PLBD1: variants seen among roughly 807,000 people sequenced by gnomAD.
The protein encoded by PLBD1 is lysosomal leucine aminopeptidase.
PLBD1 carries 60 observed loss-of-function variants against 63.0 expected under a neutral mutation model. That is an observed-to-expected ratio of 0.95 (90% CI 0.77 to 1.18). PLBD1 has a LOEUF of 1.18. PLBD1 is among the 50% of genes most tolerant of loss of function. PLBD1 has a pLI of 0.00. For synonymous variants in PLBD1, 262 were observed against 248.0 expected, an observed-to-expected ratio of 1.06 and a Z score of -0.53; for missense variants, 598 against 677.9, an observed-to-expected ratio of 0.88 and a Z score of 1.31.
intron 8 of PLBD1, 22 bp from the exon 9 acceptor site, chr12:14,507,140 G>T (rs756368729): frequency 5.9e-5 from 91 of 1,540,054 alleles, no homozygotes; most frequent in Middle Eastern, 5.1e-4. Flanking sequence ...TGGAAGGGAA[G>T]TAAGGGAGGG....
chr12:14,540,978 G>A (rs1945566944), intron 3 of PLBD1, 76 bp from the exon 4 acceptor site: 6 of 1,375,976 alleles, frequency 4.4e-6, no homozygotes, highest in Non-Finnish European at 5.9e-6. Flanking sequence ...GGCATTGAGA[G>A]ATTATATACT....
chr12:14,542,302 A>G lies in PLBD1; in HGVS notation c.336-11T>C. The G allele has an allele frequency of 1.3e-6, 2 of 1,570,674 alleles. No individual in the cohort carries two copies. The highest frequency in any genetic ancestry group is 2.2e-5 in the South Asian group (2 of 89,616). On this transcript the variant is annotated splice_polypyrimidine_tract_variant and intron_variant, in intron 2 of 10. Coordinates refer to ENST00000240617, the MANE Select transcript of PLBD1 (RefSeq NM_024829.6). Reference sequence around the variant, plus strand: ...TGGTCATTCATGTGTCTGAAATGATACATGAAAATTATTACATTTATATTT... The same window carrying G: ...TGGTCATTCATGTGTCTGAAATGATGCATGAAAATTATTACATTTATATTT...
intron 8 of PLBD1, among the ~76,000 whole-genome samples, chr12:14,507,569 C>T (rs1376485178): frequency 6.6e-6 from 1 of 152,130 alleles, no homozygotes; most frequent in East Asian, 1.9e-4. Context: ...GAACATAGCA[C>T]TGGGAATAGA....
At chr12:14,512,235 G>A (rs1945303966) in intron 6 of PLBD1, among the ~76,000 whole-genome samples, 1 of 150,702 alleles carries the variant, frequency 6.6e-6, no homozygotes, top group Non-Finnish European at 1.5e-5. Context: ...CTGCAACCTT[G>A]CCTCCTGGGT....
At chr12:14,557,108 A>T (rs1237606686) in intron 1 of PLBD1, among the ~76,000 whole-genome samples, 3 of 152,164 alleles carry the variant, frequency 2.0e-5, no homozygotes, top group Admixed American at 2.0e-4. Flanking sequence ...TGCAAATCAA[A>T]ACCACAATGA....
Position 14,540,759 on chromosome 12 carries a change from C to T in PLBD1, c.558+5G>A, listed in dbSNP as rs371323736. On this transcript the variant is annotated splice_donor_5th_base_variant and intron_variant, in intron 4 of 10. Coordinates refer to ENST00000240617, the MANE Select transcript of PLBD1 (RefSeq NM_024829.6). ...AAATTCTGAGAAGCTTGTTTAAAGT[C>T]CTACCTTTGTCCCTTCTAATATAGC... is the stretch of plus-strand genomic sequence containing the variant. 1.7e-5 allele frequency: 26 copies of T among 1,567,668 alleles called. No homozygotes were observed. Among genetic ancestry groups the T allele is most frequent in the Non-Finnish European group, 2.3e-5 (26 of 1,151,154 alleles).
chr12:14,525,476 GA>G (rs1945409482), intron 6 of PLBD1, among the ~76,000 whole-genome samples: 2 of 152,032 alleles, frequency 1.3e-5, no homozygotes, highest in Middle Eastern at 3.4e-3. Flanking sequence ...AAAGAGGATG[GA>G]AAAAATATGT....
intron 6 of PLBD1, among the ~76,000 whole-genome samples, chr12:14,518,268 T>C (rs1183022270): frequency 6.6e-6 from 1 of 152,192 alleles, no homozygotes; most frequent in East Asian, 1.9e-4. Flanking sequence ...TAAACACATA[T>C]TCAGGTTTTT....
At chr12:14,510,649 A>G (rs903941653) in intron 8 of PLBD1, among the ~76,000 whole-genome samples, 2 of 152,186 alleles carry the variant, frequency 1.3e-5, no homozygotes, top group Non-Finnish European at 2.9e-5. Context: ...GAGATTCACT[A>G]ATTTGCCTGA....
At chr12:14,510,166 C>T (rs535970458) in intron 8 of PLBD1, among the ~76,000 whole-genome samples, 9 of 152,148 alleles carry the variant, frequency 5.9e-5, no homozygotes, top group Admixed American at 3.3e-4. Flanking sequence ...GGAAGGCCGA[C>T]GCAGACAGAT....
At chr12:14,518,439 T>C (rs1945351889) in intron 6 of PLBD1, among the ~76,000 whole-genome samples, 1 of 152,198 alleles carries the variant, frequency 6.6e-6, no homozygotes, top group African/African-American at 2.4e-5. Flanking sequence ...GCTGAACACA[T>C]AGGTTTTGCA....
intron 10 of PLBD1, among the ~76,000 whole-genome samples, chr12:14,505,920 T>C (rs934859910): frequency 5.3e-5 from 8 of 152,258 alleles, no homozygotes; most frequent in Non-Finnish European, 1.2e-4. Context: ...AGTACTGTTA[T>C]ATCCATTTTA....
chr12:14,522,803 A>G (rs1945387133), intron 6 of PLBD1, among the ~76,000 whole-genome samples: 1 of 152,162 alleles, frequency 6.6e-6, no homozygotes. Flanking sequence ...GATATTTAAT[A>G]AAATTCAACA....
intron 1 of PLBD1, among the ~76,000 whole-genome samples, chr12:14,564,109 G>A (rs1335100248): frequency 6.6e-6 from 1 of 152,002 alleles, no homozygotes; most frequent in Non-Finnish European, 1.5e-5. Flanking sequence ...GCCAAGTGTG[G>A]TGGTGTGCAC....
At chr12:14,519,570 G>T (rs1197316474) in intron 6 of PLBD1, among the ~76,000 whole-genome samples, 3 of 149,076 alleles carry the variant, frequency 2.0e-5, no homozygotes, top group African/African-American at 7.5e-5. Context: ...GGTGAGCTGA[G>T]ATCGCACCAC....
chr12:14,562,893 T>C (rs919561133), intron 1 of PLBD1, among the ~76,000 whole-genome samples: 1 of 152,202 alleles, frequency 6.6e-6, no homozygotes, highest in East Asian at 1.9e-4. Context: ...AATGTAAAAT[T>C]CATGTCTAAA....
chr12:14,538,194 T>C (rs936229779), intron 4 of PLBD1, among the ~76,000 whole-genome samples: 9 of 151,932 alleles, frequency 5.9e-5, no homozygotes, highest in Non-Finnish European at 1.3e-4. Context: ...TTATTATTTA[T>C]TTATTTATTT....
chr12:14,534,975 T>C (rs1170190740), intron 6 of PLBD1, among the ~76,000 whole-genome samples: 2 of 152,314 alleles, frequency 1.3e-5, no homozygotes, highest in East Asian at 3.9e-4. Context: ...TAGCCATCCT[T>C]TCAAATTCTA....
At chr12:14,521,041 T>A (rs1255182861) in intron 6 of PLBD1, among the ~76,000 whole-genome samples, 3 of 152,106 alleles carry the variant, frequency 2.0e-5, no homozygotes, top group Admixed American at 2.0e-4. Context: ...TGTTTGTTTC[T>A]CCCCATCCTG....
Sources: allele counts gnomAD v4.1 joint callset (sites outside exome capture counted in the v4.1 genomes callset), GRCh38; gene constraint gnomAD v4.1.1; transcripts MANE v1.5; gene names NCBI Gene and HGNC (gene_info 2026-07-23, HGNC 2026-07-21).